Variants in SMG7 observed in about 807,000 individuals in gnomAD.
The protein encoded by SMG7 is nonsense-mediated mRNA decay factor SMG7.
SMG7 carries 34 observed loss-of-function variants against 148.2 expected under a neutral mutation model. That is an observed-to-expected ratio of 0.23 (90% CI 0.17 to 0.31). The LOEUF (loss-of-function observed/expected upper bound fraction) is 0.31, where lower values mean the gene tolerates loss of function less well. Ranked by LOEUF, SMG7 falls within the 10% of genes least tolerant of loss-of-function variation. SMG7 has a pLI of 1.00. For missense variants in SMG7, 1,114 were observed against 1,408.4 expected (o/e 0.79, Z 3.35); for synonymous variants, 492 against 515.1 (o/e 0.96, Z 0.61).
chr1:183,487,064 G>A (rs895727141), intron 1 of SMG7, among the ~76,000 whole-genome samples: 4 of 152,130 alleles, frequency 2.6e-5, no homozygotes, highest in African/African-American at 7.2e-5. Context: ...GACCAGTAGC[G>A]GTATTCGTTT....
chr1:183,536,994 T>G, intron 10 of SMG7, 151 bp from the exon 11 acceptor site: 4 of 568,164 alleles, frequency 7.0e-6, no homozygotes, highest in Non-Finnish European at 1.3e-5. Flanking sequence ...TCTTTGAAAG[T>G]ACATTTTTAA....
chr1:183,547,242 G>A lies in SMG7; in HGVS notation c.2882G>A (p.Arg961Gln). ...GGGCCTCTCGCCTCTCTTCCTGGAC[G>A]AAGCCTTTTTGTATGTATTTGACAT... ...LLGPLASLPG[R>Q]SLFKSLLEKP... is the part of the protein sequence containing the mutation. Residue 961 changes from arginine to glutamine, a missense_variant, in exon 18 of 23, where the codon CGA (arginine) becomes CAA (glutamine). By Grantham distance (43) the Arg-to-Gln change is conservative. Transcript: ENST00000688051. The A allele has an allele frequency of 3.9e-6, 6 of 1,549,516 alleles. No individual in the cohort carries two copies. The highest frequency in any genetic ancestry group is 1.4e-5 in the African/African-American group (1 of 73,062).
chr1:183,498,319 A>T (rs982775145), intron 1 of SMG7, among the ~76,000 whole-genome samples: 1 of 152,074 alleles, frequency 6.6e-6, no homozygotes, highest in Non-Finnish European at 1.5e-5. Flanking sequence ...TCTTGAGCCT[A>T]GGAGTTCAAG....
At chr1:183,483,188 G>C (rs1488247879) in intron 1 of SMG7, among the ~76,000 whole-genome samples, 1 of 151,956 alleles carries the variant, frequency 6.6e-6, no homozygotes, top group Non-Finnish European at 1.5e-5. Context: ...AAACTCTTTG[G>C]GTTCTTTTCT....
intron 10 of SMG7, among the ~76,000 whole-genome samples, chr1:183,534,141 C>T (rs1667327840): frequency 6.6e-6 from 1 of 152,056 alleles, no homozygotes; most frequent in South Asian, 2.1e-4. Flanking sequence ...TGTTTCTTAT[C>T]TATTACAGTA....
Position 183,529,007 on chromosome 1 carries a change from T to C in SMG7, c.672T>C (p.Thr224=). 2 of 1,613,246 alleles carry C rather than the reference T, an allele frequency of 1.2e-6. No individual in the cohort carries two copies. Among genetic ancestry groups the C allele is most frequent in the Non-Finnish European group, 1.7e-6 (2 of 1,179,536 alleles). The change falls in exon 7 of 23, where the codon ACT becomes ACC. Residue 224 remains threonine (T), a synonymous_variant. Transcript: ENST00000688051. The part of the protein sequence containing the change: ...AVKFPFPAAS[T]NLQKALSKAL... ...AGTTCCCTTTCCCAGCTGCCTCCACTAATCTGCAAAAAGCACTTTCTAAAG... is the reference window on the plus strand; with the variant it reads ...AGTTCCCTTTCCCAGCTGCCTCCACCAATCTGCAAAAAGCACTTTCTAAAG...
intron 12 of SMG7, among the ~76,000 whole-genome samples, chr1:183,540,179 CAGCCT>C (rs1668561025): frequency 6.6e-6 from 1 of 152,170 alleles, no homozygotes; most frequent in South Asian, 2.1e-4. Flanking sequence ...CTTCCATCAC[CAGCCT>C]GGTAAGCACT....
chr1:183,527,180 T>A lies in SMG7; in HGVS notation c.484+413T>A, dbSNP rs1001854294. Among the ~76,000 whole-genome samples, 3 of 152,206 alleles carry A rather than the reference T, an allele frequency of 2.0e-5. No homozygotes were observed. Among genetic ancestry groups the A allele is most frequent in the African/African-American group, 7.2e-5 (3 of 41,460 alleles). Reference sequence around the variant, plus strand: ...CAATGGACTAAAAGTTGATTTTTAATTTTGCTTCCTTTTTAAAGTTTAATT... The same window carrying A: ...CAATGGACTAAAAGTTGATTTTTAAATTTGCTTCCTTTTTAAAGTTTAATT... On this transcript the variant is annotated intron_variant, in intron 5 of 22. Transcript: ENST00000688051. The surrounding 1 kb of genome is among the most constrained non-coding windows in gnomAD (Gnocchi z 4.0).
At chr1:183,532,046 C>G (rs1666965899) in intron 8 of SMG7, among the ~76,000 whole-genome samples, 1 of 152,090 alleles carries the variant, frequency 6.6e-6, no homozygotes, top group African/African-American at 2.4e-5. Context: ...AGAAAGAGTT[C>G]ATGTAGAATG....
intron 1 of SMG7, among the ~76,000 whole-genome samples, chr1:183,506,098 C>G (rs1216189665): frequency 6.6e-6 from 1 of 152,154 alleles, no homozygotes; most frequent in Non-Finnish European, 1.5e-5. Context: ...TGCTCACTCA[C>G]TAGCTTAGCT....
At chr1:183,512,950 A>T in intron 2 of SMG7, 82 bp downstream of exon 2, 1 of 1,287,430 alleles carries the variant, frequency 7.8e-7, no homozygotes. Context: ...TATATTATGC[A>T]CAGCACTAAA....
chr1:183,489,432 T>TG (rs1656375576), intron 1 of SMG7, among the ~76,000 whole-genome samples: 1 of 152,134 alleles, frequency 6.6e-6, no homozygotes, highest in African/African-American at 2.4e-5. Context: ...TCCTACAGCT[T>TG]GGGCTGGGAC....
chr1:183,542,598 T>G, intron 14 of SMG7, 96 bp downstream of exon 14: 1 of 1,029,068 alleles, frequency 9.7e-7, no homozygotes, highest in Non-Finnish European at 1.4e-6. Flanking sequence ...TTGGCCGTCC[T>G]GGAAGTTTAA....
intron 7 of SMG7, 94 bp downstream of exon 7, chr1:183,529,136 C>G: frequency 2.6e-6 from 3 of 1,169,846 alleles, no homozygotes; most frequent in Non-Finnish European, 3.6e-6. Flanking sequence ...AAATAACGGC[C>G]TATGCTTCTC....
chr1:183,552,409 CAGT>C lies in SMG7; in HGVS notation c.*483_*485del. 1 of 989,684 alleles carries C rather than the reference CAGT, an allele frequency of 1.0e-6. No individual in the cohort carries two copies. The highest frequency in any genetic ancestry group is 1.2e-6 in the Non-Finnish European group (1 of 832,416). The allele number at this position is 989,684 out of a possible 1,614,324, so 61.3% of individuals were successfully genotyped here. On this transcript the variant is annotated 3_prime_UTR_variant, in exon 23 of 23. Coordinates refer to ENST00000688051, the MANE Select transcript of SMG7 (RefSeq NM_001375584.1). Reference sequence around the variant, plus strand: ...AAACATCTTTTATTATTATTACTCTCAGTAGTAAAATATCACACTGAATTCTTC... The same window carrying C: ...AAACATCTTTTATTATTATTACTCTCAGTAAAATATCACACTGAATTCTTC...
intron 1 of SMG7, among the ~76,000 whole-genome samples, chr1:183,477,774 G>GTATA (rs1159350239): frequency 1.1e-4 from 17 of 151,868 alleles, no homozygotes; most frequent in African/African-American, 3.9e-4. Context: ...ATATACATGT[G>GTATA]TGTATGTGTG....
At chr1:183,509,209 G>A (rs1661616013) in intron 1 of SMG7, among the ~76,000 whole-genome samples, 1 of 152,070 alleles carries the variant, frequency 6.6e-6, no homozygotes, top group Non-Finnish European at 1.5e-5. Flanking sequence ...TCATCCACAA[G>A]CCGACCACGG....
chr1:183,474,612 T>C (rs1651668271), intron 1 of SMG7, among the ~76,000 whole-genome samples: 1 of 152,200 alleles, frequency 6.6e-6, no homozygotes, highest in South Asian at 2.1e-4. Context: ...CGAAGTGTTT[T>C]GAGTCCAAAG....
At chr1:183,500,998 A>G (rs368186765) in intron 1 of SMG7, 1 of 152,184 alleles carries the variant, frequency 6.6e-6, no homozygotes, top group South Asian at 2.1e-4. Flanking sequence ...GACCTGCCAC[A>G]TATTTGAAAT....
Sources: allele counts gnomAD v4.1 joint callset (sites outside exome capture counted in the v4.1 genomes callset), GRCh38; gene constraint gnomAD v4.1.1; non-coding constraint Gnocchi (gnomAD v3.1); transcripts MANE v1.5; gene names NCBI Gene and HGNC (gene_info 2026-07-23, HGNC 2026-07-21).